The following VIT variants were observed in gnomAD, a reference collection of about 807,000 sequenced individuals.
VIT encodes the protein vitrin.
A neutral mutation model predicts 78.0 loss-of-function variants in VIT; 99 were observed. That is an observed-to-expected ratio of 1.27 (90% CI 1.08 to 1.50). VIT has a LOEUF of 1.50. Ranked by LOEUF, VIT falls within the 40% of genes most tolerant of loss-of-function variation. The pLI is 0.00. For synonymous variants in VIT, 374 were observed against 334.3 expected, an observed-to-expected ratio of 1.12 and a Z score of -1.29; for missense variants, 1,126 against 875.3, an observed-to-expected ratio of 1.29 and a Z score of -3.61.
chr2:36,720,437 C>G (rs1666430348), intron 2 of VIT, among the ~76,000 whole-genome samples: 1 of 152,160 alleles, frequency 6.6e-6, no homozygotes, highest in African/African-American at 2.4e-5. Flanking sequence ...AATATATCCA[C>G]ACGCAGAAGA....
intron 13 of VIT, among the ~76,000 whole-genome samples, chr2:36,802,606 C>T (rs1666411366): frequency 6.6e-6 from 1 of 152,260 alleles, no homozygotes; most frequent in South Asian, 2.1e-4. Context: ...GTATTACCTT[C>T]ATCACACACA....
chr2:36,774,507 A>T, intron 8 of VIT: 2 of 985,406 alleles, frequency 2.0e-6, no homozygotes, highest in Non-Finnish European at 2.4e-6. Flanking sequence ...CTGAAGCCAC[A>T]GGACACTAGG....
chr2:36,712,039 G>T (rs1191113201), intron 1 of VIT, among the ~76,000 whole-genome samples: 1 of 152,166 alleles, frequency 6.6e-6, no homozygotes, highest in African/African-American at 2.4e-5. Context: ...GGGCTCCAGC[G>T]TTGCCATGTG....
At chr2:36,737,480 T>C (rs1667578192) in intron 3 of VIT, among the ~76,000 whole-genome samples, 1 of 152,210 alleles carries the variant, frequency 6.6e-6, no homozygotes, top group Non-Finnish European at 1.5e-5. Context: ...AGAGCTACAT[T>C]CTGAAATATT....
chr2:36,707,150 A>G (rs774169110), intron 1 of VIT, among the ~76,000 whole-genome samples: 1 of 152,176 alleles, frequency 6.6e-6, no homozygotes, highest in Non-Finnish European at 1.5e-5. Context: ...AGCAGTTAGG[A>G]ATAATTTTTC....
rs183515945 is a variant in VIT at position 36,807,049 on chromosome 2, C to T, written c.1389+1385C>T. Among the ~76,000 whole-genome samples the T allele has an allele frequency of 8.5e-5, 13 of 152,264 alleles. No homozygotes were observed. In the East Asian group the frequency reaches 2.5e-3, roughly 29 times the overall value. On this transcript the variant is annotated intron_variant, in intron 14 of 15. Coordinates refer to ENST00000379242, the MANE Select transcript of VIT (RefSeq NM_053276.4). ...CACCCATCCCAGAGGGCAGTGTCAC[C>T]CCAGAACTCCTCATCAGCTCCCACA...
intron 11 of VIT, among the ~76,000 whole-genome samples, chr2:36,786,087 C>A (rs762506520): frequency 6.6e-6 from 1 of 151,900 alleles, no homozygotes; most frequent in South Asian, 2.1e-4. Flanking sequence ...TCCGTCTGGC[C>A]GCTGCTCCCC....
At chr2:36,739,881 CAA>C (rs1667735171) in intron 3 of VIT, among the ~76,000 whole-genome samples, 1 of 152,152 alleles carries the variant, frequency 6.6e-6, no homozygotes, top group Non-Finnish European at 1.5e-5. Context: ...CGGACGCTAG[CAA>C]CTGTCCAGTC....
chr2:36,721,599 C>T (rs1304458231), intron 2 of VIT, among the ~76,000 whole-genome samples: 1 of 152,180 alleles, frequency 6.6e-6, no homozygotes. Context: ...TAGGATGCAG[C>T]GCAAGTTTCT....
At chr2:36,708,999 A>C (rs1034857688) in intron 1 of VIT, among the ~76,000 whole-genome samples, 1 of 152,006 alleles carries the variant, frequency 6.6e-6, no homozygotes, top group African/African-American at 2.4e-5. Flanking sequence ...AAAATACAAA[A>C]ATTAGCCAGG....
chr2:36,793,322 A>C (rs1665637057), intron 12 of VIT, among the ~76,000 whole-genome samples: 1 of 152,200 alleles, frequency 6.6e-6, no homozygotes. Context: ...CACTCACTTA[A>C]AAATGAAATT....
At position 36,729,511 on chromosome 2, in the gene VIT, C is replaced by G; in HGVS notation, c.118+20C>G. 1.9e-6 allele frequency: 3 copies of G among 1,602,888 alleles called. No homozygotes were observed. The South Asian group carries it at 3.4e-5, about 18-fold the overall frequency. On this transcript the variant is annotated intron_variant, in intron 3 of 15. Transcript: ENST00000379242. ...AGTTCAGTAAGTAAAATCACAATTC[C>G]TTGCTGGCATAATGCTTGTTTCTCC...
At chr2:36,737,141 C>T (rs1384165713) in intron 3 of VIT, among the ~76,000 whole-genome samples, 1 of 152,048 alleles carries the variant, frequency 6.6e-6, no homozygotes, top group Non-Finnish European at 1.5e-5. Flanking sequence ...TATGAAAGAA[C>T]ATTCAAGATA....
chr2:36,733,232 T>A (rs919159431), intron 3 of VIT, among the ~76,000 whole-genome samples: 1 of 152,080 alleles, frequency 6.6e-6, no homozygotes, highest in Non-Finnish European at 1.5e-5. Context: ...CAGCTGTAAC[T>A]CCCTCCAGCT....
At chr2:36,753,910 C>T (rs1668615191) in intron 4 of VIT, among the ~76,000 whole-genome samples, 1 of 152,138 alleles carries the variant, frequency 6.6e-6, no homozygotes, top group South Asian at 2.1e-4. Flanking sequence ...GTTTAAATCC[C>T]TCTTGCAATT....
intron 6 of VIT, 116 bp downstream of exon 6, chr2:36,759,162 A>G (rs752380429): frequency 6.3e-7 from 1 of 1,599,986 alleles, no homozygotes; most frequent in Non-Finnish European, 8.5e-7. Context: ...TGGCTCTGGC[A>G]ATATTTTAAC....
At chr2:36,721,196 AT>A (rs1325530911) in intron 2 of VIT, among the ~76,000 whole-genome samples, 1 of 152,256 alleles carries the variant, frequency 6.6e-6, no homozygotes, top group East Asian at 1.9e-4. Context: ...GGCTATGTTA[AT>A]TAGCTTGATT....
At chr2:36,779,707 G>A (rs78235208) in intron 9 of VIT, among the ~76,000 whole-genome samples, 8,244 of 152,172 alleles carry the variant, frequency 0.054, 592 homozygotes, top group East Asian at 0.25. Flanking sequence ...TGTAAGTGAG[G>A]ACATGCAGTA....
chr2:36,698,652 A>G (rs1375602429), intron 1 of VIT, among the ~76,000 whole-genome samples: 2 of 152,178 alleles, frequency 1.3e-5, no homozygotes, highest in Non-Finnish European at 2.9e-5. Flanking sequence ...TTCTATAGCA[A>G]TGTAATCTTG....
Sources: gnomAD v4.1 joint callset for allele counts (sites outside exome capture counted in the v4.1 genomes callset) on GRCh38, gnomAD v4.1.1 for gene constraint, MANE v1.5 for transcripts, NCBI Gene and HGNC (gene_info 2026-07-23, HGNC 2026-07-21) for gene names.